CDX1: variants seen among roughly 807,000 people sequenced by gnomAD.
The protein encoded by CDX1 is homeobox protein CDX-1.
A neutral mutation model predicts 16.9 loss-of-function variants in CDX1; 9 were observed. The observed-to-expected ratio is 0.53, with a 90% CI of 0.32 to 0.93. CDX1 has a LOEUF of 0.93. Ranked by LOEUF, CDX1 falls within the 40% of genes least tolerant of loss-of-function variation. The pLI, the probability that CDX1 is intolerant of heterozygous loss-of-function variation, is 0.04. For missense variants in CDX1, 393 were observed against 386.1 expected, an observed-to-expected ratio of 1.02 and a Z score of -0.15; for synonymous variants, 179 against 179.0, an observed-to-expected ratio of 1.00 and a Z score of 0.00.
intron 1 of CDX1, among the ~76,000 whole-genome samples, chr5:150,180,318 G>A (rs1042920357): frequency 6.6e-6 from 1 of 152,230 alleles, no homozygotes; most frequent in Non-Finnish European, 1.5e-5. Context: ...TGAAGTCCGA[G>A]GCTATCCCGT....
In CDX1 at chr5:150,183,483, T is replaced by C; in HGVS notation, c.601T>C (p.Trp201Arg). 1 of 1,604,340 alleles carries C rather than the reference T, an allele frequency of 6.2e-7. No homozygotes were observed. Among genetic ancestry groups the C allele is most frequent in the Non-Finnish European group, 8.5e-7 (1 of 1,174,100 alleles). ...TCCTCCAACCCCACAGGTGAAGATC[T>C]GGTTCCAAAACCGGCGGGCAAAGGA... ...LGLTERQVKIWFQNRRAKERK... is the reference protein window; with the variant it reads ...LGLTERQVKIRFQNRRAKERK... The change falls in exon 3 of 3, where the codon TGG becomes CGG. Residue 201 changes from tryptophan (W) to arginine (R), a missense_variant. By Grantham distance (101) the Trp-to-Arg change is moderately radical. Transcript: ENST00000231656.
At chr5:150,181,304 A>C (rs1430161263) in intron 1 of CDX1, among the ~76,000 whole-genome samples, 2 of 152,022 alleles carry the variant, frequency 1.3e-5, no homozygotes, top group African/African-American at 2.4e-5. Context: ...GTCTCACTCG[A>C]TCACCCAGGC....
In CDX1 at chr5:150,167,040, CCG is replaced by C; in HGVS notation, c.168_169del (p.Pro58AspfsTer41). ...AGCTACTCTCACGTGGAGCCGGCCC[CCG>C]CGCCCCCGACGGCCTGGGGGGCGCC... On this transcript the variant is annotated frameshift_variant, in exon 1 of 3. Coordinates refer to ENST00000231656, the MANE Select transcript of CDX1 (RefSeq NM_001804.3). LOFTEE classifies it high-confidence loss of function. The C allele has an allele frequency of 7.0e-7, 1 of 1,433,648 alleles. No individual in the cohort carries two copies. The highest frequency in any genetic ancestry group is 3.1e-5 in the East Asian group (1 of 32,590). 88.8% of individuals were successfully genotyped at this position (1,433,648 alleles called of 1,614,324 possible).
intron 1 of CDX1, among the ~76,000 whole-genome samples, chr5:150,179,197 G>A (rs986763302): frequency 6.6e-6 from 1 of 152,224 alleles, no homozygotes; most frequent in African/African-American, 2.4e-5. Flanking sequence ...GCCACACGGT[G>A]TGATAGCAAA....
At position 150,183,968 on chromosome 5, in the gene CDX1, T is replaced by C; in HGVS notation, c.*288T>C. The C allele has an allele frequency of 3.4e-6, 1 of 293,526 alleles. No homozygotes were observed. Among genetic ancestry groups the C allele is most frequent in the Non-Finnish European group, 6.3e-6 (1 of 159,124 alleles). 18.2% of individuals were successfully genotyped at this position (293,526 alleles called of 1,614,324 possible). On this transcript the variant is annotated 3_prime_UTR_variant, in exon 3 of 3. Coordinates refer to ENST00000231656, the MANE Select transcript of CDX1 (RefSeq NM_001804.3). Reference sequence around the variant, plus strand: ...GCCCCAAATGGTTGGGGGAGGGGCCTAGACAAGGCTCCAGGCCCCACCTCC... The same window carrying C: ...GCCCCAAATGGTTGGGGGAGGGGCCCAGACAAGGCTCCAGGCCCCACCTCC...
intron 1 of CDX1, among the ~76,000 whole-genome samples, chr5:150,171,148 C>G (rs1761500529): frequency 2.0e-5 from 3 of 152,158 alleles, no homozygotes; most frequent in Admixed American, 2.0e-4. Flanking sequence ...CCTCCCCCCA[C>G]ATTGCAGGTC....
At chr5:150,169,650 T>TG (rs1761478951) in intron 1 of CDX1, among the ~76,000 whole-genome samples, 1 of 152,146 alleles carries the variant, frequency 6.6e-6, no homozygotes, top group South Asian at 2.1e-4. Context: ...AATGAAGGCA[T>TG]AGGGTTTCCA....
In CDX1 at chr5:150,173,045, A is replaced by G. The variant is rs550774012; in HGVS notation, c.445+5724A>G. On this transcript the variant is annotated intron_variant, in intron 1 of 2. Coordinates refer to ENST00000231656, the MANE Select transcript of CDX1 (RefSeq NM_001804.3). Reference sequence around the variant, plus strand: ...CCTCCCCATGCCACGCTCACCCCTCAGGCTTGTGGGGGCACCCCACATGGA... The same window carrying G: ...CCTCCCCATGCCACGCTCACCCCTCGGGCTTGTGGGGGCACCCCACATGGA... 1.3e-4 allele frequency among the ~76,000 whole-genome samples: 20 copies of G among 152,274 alleles called. 2 individuals are homozygous for G. The South Asian group carries it at 4.1e-3, about 32-fold the overall frequency.
At chr5:150,172,233 A>G (rs1245776934) in intron 1 of CDX1, among the ~76,000 whole-genome samples, 1 of 152,178 alleles carries the variant, frequency 6.6e-6, no homozygotes, top group East Asian at 1.9e-4. Flanking sequence ...GCCACTGACC[A>G]TCTGTAGTCC....
At chr5:150,173,375 G>T (rs938355988) in intron 1 of CDX1, among the ~76,000 whole-genome samples, 2 of 152,082 alleles carry the variant, frequency 1.3e-5, no homozygotes, top group Non-Finnish European at 2.9e-5. Flanking sequence ...CCTGCCTGGG[G>T]GCCTTTGTAC....
Position 150,173,969 on chromosome 5 carries a change from AG to A in CDX1, c.445+6650del, listed in dbSNP as rs146070290. Among the ~76,000 whole-genome samples, 116 of 152,364 alleles carry A rather than the reference AG, an allele frequency of 7.6e-4. 1 individual carries two copies. Among genetic ancestry groups the A allele is most frequent in the Middle Eastern group, 3.4e-3 (1 of 294 alleles). ...GAGTTAAAGAAGCAGAGGAAGTAGC[AG>A]GTTTGTTTTATGTATTCACCAAGGA... On this transcript the variant is annotated intron_variant, in intron 1 of 2. Transcript: ENST00000231656.
At chr5:150,180,146 A>G (rs1166104536) in intron 1 of CDX1, among the ~76,000 whole-genome samples, 1 of 152,158 alleles carries the variant, frequency 6.6e-6, no homozygotes, top group Non-Finnish European at 1.5e-5. Flanking sequence ...AGTGAACCCA[A>G]TGGGTCTGTG....
chr5:150,177,179 G>A lies in CDX1; in HGVS notation c.446-5589G>A, dbSNP rs117880539. On this transcript the variant is annotated intron_variant, in intron 1 of 2. Transcript: ENST00000231656. Reference sequence around the variant, plus strand: ...TGGCTCCTGTCCCCATCCTCCCCCCGGGCAGGCCCAGTGTCTAGACTCTCA... The same window carrying A: ...TGGCTCCTGTCCCCATCCTCCCCCCAGGCAGGCCCAGTGTCTAGACTCTCA... Among the ~76,000 whole-genome samples the A allele has an allele frequency of 1.8e-4, 27 of 152,382 alleles. No homozygotes were observed. The East Asian group carries it at 5.0e-3, about 28-fold the overall frequency.
chr5:150,177,000 G>T (rs942184647), intron 1 of CDX1, among the ~76,000 whole-genome samples: 2 of 152,250 alleles, frequency 1.3e-5, no homozygotes, highest in East Asian at 3.9e-4. Flanking sequence ...GGCCTTGGGG[G>T]GCCAAAGCTG....
At chr5:150,173,779 G>A (rs1308063034) in intron 1 of CDX1, among the ~76,000 whole-genome samples, 2 of 150,224 alleles carry the variant, frequency 1.3e-5, no homozygotes, top group Admixed American at 6.6e-5. Flanking sequence ...CATCAAATGA[G>A]TGGCTGGACT....
At chr5:150,182,165 TCTCTC>T (rs1183544369) in intron 1 of CDX1, among the ~76,000 whole-genome samples, 2 of 152,276 alleles carry the variant, frequency 1.3e-5, no homozygotes, top group East Asian at 3.9e-4. Context: ...GCTCTTCCCT[TCTCTC>T]TTCTCTTGCA....
At chr5:150,169,246 G>A (rs917397382) in intron 1 of CDX1, among the ~76,000 whole-genome samples, 5 of 152,204 alleles carry the variant, frequency 3.3e-5, no homozygotes, top group South Asian at 4.2e-4. Flanking sequence ...AAATCACCTC[G>A]TGTCTCTGGG....
At chr5:150,180,434 C>T (rs1761626984) in intron 1 of CDX1, among the ~76,000 whole-genome samples, 1 of 152,218 alleles carries the variant, frequency 6.6e-6, no homozygotes, top group Non-Finnish European at 1.5e-5. Flanking sequence ...ACATCTGCTG[C>T]CTCCCATTCT....
intron 1 of CDX1, among the ~76,000 whole-genome samples, chr5:150,174,671 T>C (rs926831076): frequency 6.6e-6 from 1 of 152,216 alleles, no homozygotes; most frequent in African/African-American, 2.4e-5. Context: ...ATGTGGCTAG[T>C]TGCTGTCATA....
Sources: gnomAD v4.1 joint callset for allele counts (sites outside exome capture counted in the v4.1 genomes callset) on GRCh38, gnomAD v4.1.1 for gene constraint, MANE v1.5 for transcripts, NCBI Gene and HGNC (gene_info 2026-07-23, HGNC 2026-07-21) for gene names.